The following EAF2 variants were observed in gnomAD, a reference collection of about 807,000 sequenced individuals.
EAF2 encodes ELL associated factor 2.
Under a neutral mutation model 29.4 loss-of-function variants are expected in EAF2, and 29 were observed. That is an observed-to-expected ratio of 0.99 (90% CI 0.73 to 1.35). EAF2 has a LOEUF of 1.35. EAF2 is among the 40% of genes most tolerant of loss of function. EAF2 has a pLI of 0.00. For missense variants in EAF2, 292 were observed against 312.0 expected, an observed-to-expected ratio of 0.94 and a Z score of 0.48; for synonymous variants, 103 against 102.5, an observed-to-expected ratio of 1.00 and a Z score of -0.03.
intron 1 of EAF2, among the ~76,000 whole-genome samples, chr3:121,838,626 T>G (rs1708348956): frequency 6.6e-6 from 1 of 152,222 alleles, no homozygotes; most frequent in African/African-American, 2.4e-5. Context: ...TAAGTAAAGC[T>G]AAAGATATTT....
intron 4 of EAF2, among the ~76,000 whole-genome samples, chr3:121,864,677 G>A (rs1370280133): frequency 2.0e-5 from 3 of 151,954 alleles, no homozygotes; most frequent in Non-Finnish European, 2.9e-5. Context: ...TTAGCTGGGT[G>A]TGGTGGTGTA....
At chr3:121,840,865 A>T (rs1708408768) in intron 1 of EAF2, among the ~76,000 whole-genome samples, 2 of 149,402 alleles carry the variant, frequency 1.3e-5, no homozygotes, top group Non-Finnish European at 3.0e-5. Context: ...ATAGGTTTTG[A>T]TTAATGGTTT....
Position 121,872,625 on chromosome 3 carries a change from G to A in EAF2, c.573G>A (p.Glu191=). ...AAAGTTCATCATCTTCAAGTAGTGA[G>A]GATAGTTCTAGTGACTCAGAAGATG... ...DSKSSSSSSS[E]DSSSDSEDED... Residue 191 remains glutamate (E), a synonymous_variant, in exon 5 of 6, where the codon GAG becomes GAA. Coordinates refer to ENST00000273668, the MANE Select transcript of EAF2 (RefSeq NM_018456.6). 6.2e-7 allele frequency: 1 copy of A among 1,612,868 alleles called. No individual in the cohort carries two copies. Among genetic ancestry groups the A allele is most frequent in the South Asian group, 1.1e-5 (1 of 91,038 alleles).
At chr3:121,879,937 A>G (rs116428527) in intron 5 of EAF2, among the ~76,000 whole-genome samples, 171 of 151,908 alleles carry the variant, frequency 1.1e-3, no homozygotes, top group African/African-American at 4.1e-3. Flanking sequence ...TGGTATTTTG[A>G]TAGGTATTGC....
intron 4 of EAF2, among the ~76,000 whole-genome samples, chr3:121,860,584 T>C (rs952679522): frequency 6.6e-6 from 1 of 152,126 alleles, no homozygotes; most frequent in Non-Finnish European, 1.5e-5. Flanking sequence ...GTCTTGCTAG[T>C]GGTCTATCAA....
chr3:121,841,568 A>G (rs1708432575), intron 1 of EAF2, among the ~76,000 whole-genome samples: 1 of 141,770 alleles, frequency 7.1e-6, no homozygotes, highest in African/African-American at 2.6e-5. Flanking sequence ...AAAAAGATAG[A>G]AAGAAATAGA....
At chr3:121,860,333 T>C (rs1708804017) in intron 4 of EAF2, among the ~76,000 whole-genome samples, 1 of 152,208 alleles carries the variant, frequency 6.6e-6, no homozygotes, top group Non-Finnish European at 1.5e-5. Context: ...TATTAATTAT[T>C]GCCTCAATTT....
chr3:121,876,605 G>C (rs942080723), intron 5 of EAF2, among the ~76,000 whole-genome samples: 13 of 152,044 alleles, frequency 8.6e-5, no homozygotes, highest in African/African-American at 3.1e-4. Context: ...TGCTGAGAGA[G>C]TATTCAATCA....
At chr3:121,849,986 A>C (rs999303147) in intron 2 of EAF2, among the ~76,000 whole-genome samples, 1 of 134,178 alleles carries the variant, frequency 7.5e-6, no homozygotes, top group African/African-American at 2.7e-5. Flanking sequence ...TGTTCACAGA[A>C]TCTTAGTGTC....
At chr3:121,851,096 C>T (rs1257117262) in intron 2 of EAF2, among the ~76,000 whole-genome samples, 1 of 152,064 alleles carries the variant, frequency 6.6e-6, no homozygotes, top group African/African-American at 2.4e-5. Context: ...TCTTCATTCC[C>T]CTATGTTGAG....
chr3:121,852,102 A>G (rs1576642249), intron 2 of EAF2, among the ~76,000 whole-genome samples: 2 of 152,178 alleles, frequency 1.3e-5, no homozygotes, highest in Non-Finnish European at 2.9e-5. Flanking sequence ...TTCATATTTA[A>G]CCTTCATTGA....
intron 1 of EAF2, among the ~76,000 whole-genome samples, chr3:121,838,447 G>C (rs906919040): frequency 6.6e-6 from 1 of 152,088 alleles, no homozygotes; most frequent in Non-Finnish European, 1.5e-5. Flanking sequence ...CTTGAAACTC[G>C]GAAGTTATAT....
At chr3:121,855,289 A>C (rs1294830563) in intron 3 of EAF2, among the ~76,000 whole-genome samples, 1 of 152,204 alleles carries the variant, frequency 6.6e-6, no homozygotes, top group South Asian at 2.1e-4. Context: ...TACCCATCTC[A>C]AATCCTTTTT....
chr3:121,881,881 G>C (rs1228579677), intron 5 of EAF2, among the ~76,000 whole-genome samples: 2 of 151,982 alleles, frequency 1.3e-5, no homozygotes, highest in Admixed American at 6.6e-5. Context: ...TGTAGAAAAA[G>C]TATAATTTAC....
chr3:121,886,480 C>T lies in EAF2; in HGVS notation c.*92C>T. 1.5e-6 allele frequency: 1 copy of T among 665,382 alleles called. No homozygotes were observed. The highest frequency in any genetic ancestry group is 2.2e-6 in the Non-Finnish European group (1 of 444,720). 41.2% of individuals were successfully genotyped at this position (665,382 alleles called of 1,614,324 possible). ...ATTCCTAAGACTGAGGGAAATATGTCTTAACTTTTGATGATAAAAGAAATT... is the reference window on the plus strand; with the variant it reads ...ATTCCTAAGACTGAGGGAAATATGTTTTAACTTTTGATGATAAAAGAAATT... On this transcript the variant is annotated 3_prime_UTR_variant, in exon 6 of 6. Coordinates refer to ENST00000273668, the MANE Select transcript of EAF2 (RefSeq NM_018456.6).
chr3:121,873,274 T>C (rs1709048329), intron 5 of EAF2: 1 of 472,192 alleles, frequency 2.1e-6, no homozygotes, highest in Non-Finnish European at 3.7e-6. Flanking sequence ...TCATAATCAA[T>C]CTTTGGCTCA....
chr3:121,866,632 G>A (rs1449420539), intron 4 of EAF2, among the ~76,000 whole-genome samples: 1 of 152,074 alleles, frequency 6.6e-6, no homozygotes, highest in Admixed American at 6.5e-5. Context: ...GGCTGAGGCA[G>A]GAGAATTGCT....
intron 5 of EAF2, among the ~76,000 whole-genome samples, chr3:121,883,586 T>A (rs1709227331): frequency 6.6e-6 from 1 of 152,206 alleles, no homozygotes; most frequent in Non-Finnish European, 1.5e-5. Flanking sequence ...GTAGAAGAGT[T>A]CTTTATTGTG....
chr3:121,857,744 A>G (rs1228367096), intron 4 of EAF2, among the ~76,000 whole-genome samples: 1 of 152,168 alleles, frequency 6.6e-6, no homozygotes, highest in East Asian at 1.9e-4. Flanking sequence ...ACATATGTAT[A>G]CATGTGGCAT....
Sources: gnomAD v4.1 joint callset for allele counts (sites outside exome capture counted in the v4.1 genomes callset) on GRCh38, gnomAD v4.1.1 for gene constraint, MANE v1.5 for transcripts, NCBI Gene and HGNC (gene_info 2026-07-23, HGNC 2026-07-21) for gene names.